The following MYH3 variants were observed in gnomAD, a reference collection of about 807,000 sequenced individuals.
The protein encoded by MYH3 is myosin heavy chain 3.
A neutral mutation model predicts 238.0 loss-of-function variants in MYH3; 130 were observed. That is an observed-to-expected ratio of 0.55 (90% CI 0.47 to 0.63). The LOEUF (loss-of-function observed/expected upper bound fraction) is 0.63, where lower values mean the gene tolerates loss of function less well. MYH3 is among the 30% of genes least tolerant of loss of function. MYH3 has a pLI of 0.00. For synonymous variants in MYH3, 880 were observed against 924.1 expected (o/e 0.95, Z 0.86); for missense variants, 1,853 against 2,374.9 (o/e 0.78, Z 4.57).
At chr17:10,671,720 T>C in the MYH3 span, among the ~76,000 whole-genome samples, 3 of 151,524 alleles carry the variant, frequency 2.0e-5, no homozygotes, top group East Asian at 2.0e-4. Context: ...GCTGGGACTA[T>C]AGGCACCGGC....
At chr17:10,668,289 G>A in the MYH3 span, among the ~76,000 whole-genome samples, 3 of 152,212 alleles carry the variant, frequency 2.0e-5, no homozygotes, top group Non-Finnish European at 4.4e-5. Context: ...CAACTACTGA[G>A]GAGGCTGAGG....
At position 10,634,109 on chromosome 17, in the gene MYH3, G is replaced by C. The variant is rs754188154; in HGVS notation, c.4430C>G (p.Ser1477Cys). ...ELEASLKESRSLSTELFKLKN... is the reference protein window; with the variant it reads ...ELEASLKESRCLSTELFKLKN... The stretch of plus-strand genomic sequence containing the variant: ...CAGTTTGAAGAGCTCAGTGCTCAAG[G>C]AGCGGGACTCCTTCAGGGATGCCTC... The change falls in exon 32 of 41, where the codon TCC becomes TGC. Residue 1477 changes from serine (S) to cysteine (C), a missense_variant. This residue lies in a region of MYH3 where 1,044 missense variants were observed against 1,192.6 expected (regional missense o/e 0.88). Transcript: ENST00000583535. 1.9e-6 allele frequency: 3 copies of C among 1,614,182 alleles called. No homozygotes were observed. Among genetic ancestry groups the C allele is most frequent in the Admixed American group, 1.7e-5 (1 of 60,024 alleles).
chr17:10,631,832 A>C lies in MYH3; in HGVS notation c.5141T>G (p.Val1714Gly). Residue 1714 changes from valine (V) to glycine (G), a missense_variant, in exon 35 of 41, where the codon GTG (valine) becomes GGG (glycine). By Grantham distance (109) the Val-to-Gly change is moderately radical. Coordinates refer to ENST00000583535, the MANE Select transcript of MYH3 (RefSeq NM_002470.4). ...CCTCACCTGGGTATGCAGCAGCTGC[A>C]CCCTCTCGTTGGAGTCCAGGAGCTC... ...EQELLDSNER[V>G]QLLHTQNTSL... 6.2e-7 allele frequency: 1 copy of C among 1,613,422 alleles called. No individual in the cohort carries two copies. Among genetic ancestry groups the C allele is most frequent in the Non-Finnish European group, 8.5e-7 (1 of 1,179,844 alleles).
At chr17:10,674,443 CA>C in the MYH3 span, 1 of 288,558 alleles carries the variant, frequency 3.5e-6, no homozygotes, top group South Asian at 3.1e-5. Flanking sequence ...AACAAACAAA[CA>C]AACAAAAAAA....
In MYH3 at chr17:10,640,143, C is replaced by G; in HGVS notation, c.2535G>C (p.Glu845Asp). The change falls in exon 22 of 41, where the codon GAG becomes GAC. Residue 845 changes from glutamate (E) to aspartate (D), a missense_variant. By Grantham distance (45) the Glu-to-Asp change is conservative. Around this residue, in one of 3 missense-constraint regions of MYH3, gnomAD observed 678 missense variants for 1,058.9 expected, o/e 0.64. Coordinates refer to ENST00000583535, the MANE Select transcript of MYH3 (RefSeq NM_002470.4). ...FKIKPLLKSAETEKEMATMKE... is the reference protein window; with the variant it reads ...FKIKPLLKSADTEKEMATMKE... ...TCATGGTGGCCATCTCTTTCTCAGT[C>G]TCTGCACTCTTGAGGAGGGGCTTGA... The G allele has an allele frequency of 6.2e-7, 1 of 1,614,158 alleles. No homozygotes were observed. Among genetic ancestry groups the G allele is most frequent in the South Asian group, 1.1e-5 (1 of 91,078 alleles).
the MYH3 span, chr17:10,678,242 G>C: frequency 1.3e-5 from 2 of 152,166 alleles, no homozygotes; most frequent in African/African-American, 4.8e-5. Flanking sequence ...ATAAGCGCAC[G>C]ATAGCAGCAG....
In MYH3 at chr17:10,642,600, C is replaced by A; in HGVS notation, c.1705G>T (p.Val569Leu). ...TGAGCCTCGGCCCTGCCTTTGACCA[C>A]CTTGGGCTTCTGGAAGTTGTTGGAC... Reference protein sequence around the residue: ...GKSNNFQKPKVVKGRAEAHFS... With the variant: ...GKSNNFQKPKLVKGRAEAHFS... Residue 569 changes from valine (V) to leucine (L), a missense_variant, in exon 16 of 41, where the codon GTG becomes TTG. Around this residue, in one of 3 missense-constraint regions of MYH3, gnomAD observed 678 missense variants for 1,058.9 expected, o/e 0.64. Transcript: ENST00000583535. This position sits in a 1 kb window ranked among gnomAD's most constrained non-coding sequence, Gnocchi z 5.4. 1 of 1,614,202 alleles carries A rather than the reference C, an allele frequency of 6.2e-7. No homozygotes were observed. The highest frequency in any genetic ancestry group is 8.5e-7 in the Non-Finnish European group (1 of 1,180,042).
At position 10,652,485 on chromosome 17, in the gene MYH3, T is replaced by C; in HGVS notation, c.283A>G (p.Thr95Ala). ...FDRIEDMAML[T>A]HLNEPAVLYN... ...AGCACGGCTGGCTCATTCAGGTGCG[T>C]CAGCATGGCCATGTCTTCGATCCTG... The change falls in exon 4 of 41, where the codon ACG (threonine) becomes GCG (alanine). Residue 95 changes from threonine to alanine, a missense_variant. This residue lies in a region of MYH3 where 131 missense variants were observed against 123.5 expected (regional missense o/e 1.06). Transcript: ENST00000583535. 6.2e-7 allele frequency: 1 copy of C among 1,614,084 alleles called. No individual in the cohort carries two copies. The highest frequency in any genetic ancestry group is 8.5e-7 in the Non-Finnish European group (1 of 1,180,014).
the MYH3 span, among the ~76,000 whole-genome samples, chr17:10,665,380 T>C: frequency 0.21 from 31,702 of 152,066 alleles, 3,520 homozygotes; most frequent in Non-Finnish European, 0.25. Context: ...TAACCTCCAG[T>C]AGTCCGCCCG....
At chr17:10,670,077 C>A in the MYH3 span, among the ~76,000 whole-genome samples, 1 of 152,084 alleles carries the variant, frequency 6.6e-6, no homozygotes, top group Non-Finnish European at 1.5e-5. This position sits in a 1 kb window ranked among gnomAD's most constrained non-coding sequence, Gnocchi z 7.0. Context: ...GTTATCAGTC[C>A]CACGTGTGAC....
At chr17:10,645,891 G>A (rs1382281606) in intron 11 of MYH3, 38 bp downstream of exon 11, 2 of 1,613,810 alleles carry the variant, frequency 1.2e-6, no homozygotes, top group Non-Finnish European at 1.7e-6. Context: ...CCCAGTGATG[G>A]AGGAGGAACA....
chr17:10,642,215 G>A lies in MYH3; in HGVS notation c.1959+25C>T. 2 of 1,598,944 alleles carry A rather than the reference G, an allele frequency of 1.3e-6. No homozygotes were observed. The highest frequency in any genetic ancestry group is 2.2e-5 in the East Asian group (1 of 44,804). ...TAGATGTCACTTAAATCAATTATAA[G>A]CAAATAAACTTGTATTTTTCTTACC... On this transcript the variant is annotated intron_variant, in intron 17 of 40. Transcript: ENST00000583535. This position sits in a 1 kb window ranked among gnomAD's most constrained non-coding sequence, Gnocchi z 5.4.
At chr17:10,667,306 G>A in the MYH3 span, among the ~76,000 whole-genome samples, 2 of 152,126 alleles carry the variant, frequency 1.3e-5, no homozygotes, top group Non-Finnish European at 2.9e-5. Flanking sequence ...GTAAAAGATT[G>A]GAAACAGCCT....
the MYH3 span, among the ~76,000 whole-genome samples, chr17:10,669,554 G>A: frequency 7.0e-6 from 1 of 142,176 alleles, no homozygotes; most frequent in Admixed American, 7.2e-5. Context: ...GTGACAGAGT[G>A]AGAGTCCATC....
At chr17:10,666,467 G>C in the MYH3 span, among the ~76,000 whole-genome samples, 1 of 147,376 alleles carries the variant, frequency 6.8e-6, no homozygotes, top group Non-Finnish European at 1.5e-5. Flanking sequence ...CCAGCTACTT[G>C]GGAGTGGCTC....
chr17:10,633,445 G>A (rs1227734998), intron 33 of MYH3, 146 bp downstream of exon 33: 20 of 962,338 alleles, frequency 2.1e-5, no homozygotes, highest in Non-Finnish European at 3.1e-5. Flanking sequence ...CAGCCTCACA[G>A]TTTTGCTGTG....
chr17:10,631,984 C>G lies in MYH3; in HGVS notation c.4989G>C (p.Arg1663=), dbSNP rs144450260. Residue 1663 remains arginine, a synonymous_variant, in exon 35 of 41, where the codon CGG becomes CGC. Coordinates refer to ENST00000583535, the MANE Select transcript of MYH3 (RefSeq NM_002470.4). ...DTQLHLDDAL[R]GQEDLKEQLA... is the part of the protein sequence containing the mutation. ...GCTGCTCCTTCAGGTCCTCCTGGCCCCGGAGGGCATCATCCAGGTGGAGCT... is the reference window on the plus strand; with the variant it reads ...GCTGCTCCTTCAGGTCCTCCTGGCCGCGGAGGGCATCATCCAGGTGGAGCT... 1.2e-6 allele frequency: 2 copies of G among 1,613,778 alleles called. No individual in the cohort carries two copies. Among genetic ancestry groups the G allele is most frequent in the Non-Finnish European group, 1.7e-6 (2 of 1,180,038 alleles).
At chr17:10,662,806 G>T in the MYH3 span, among the ~76,000 whole-genome samples, 1 of 152,088 alleles carries the variant, frequency 6.6e-6, no homozygotes, top group African/African-American at 2.4e-5. Flanking sequence ...CATTATCGGG[G>T]CTGAGTGCAG....
intron 31 of MYH3, 115 bp downstream of exon 31, chr17:10,634,725 A>G: frequency 7.6e-7 from 1 of 1,316,924 alleles, no homozygotes; most frequent in South Asian, 1.2e-5. Flanking sequence ...GGACTTGCCC[A>G]AGGCCACACT....
Sources: allele counts gnomAD v4.1 joint callset (sites outside exome capture counted in the v4.1 genomes callset), GRCh38; gene constraint gnomAD v4.1.1; regional missense constraint gnomAD v4.1.1; non-coding constraint Gnocchi (gnomAD v3.1); transcripts MANE v1.5; gene names NCBI Gene and HGNC (gene_info 2026-07-23, HGNC 2026-07-21).